Variants in MALRD1 observed in about 807,000 individuals in gnomAD.
The protein encoded by MALRD1 is MAM and LDL-receptor class A domain-containing protein 1.
MALRD1 carries 247 observed loss-of-function variants against 242.1 expected under a neutral mutation model. The ratio of observed to expected loss-of-function variants is 1.02; its 90% CI spans 0.92 to 1.13. MALRD1 has a LOEUF of 1.13. MALRD1 is among the 50% of genes most tolerant of loss of function. The pLI is 0.00. For missense variants in MALRD1, 2,989 were observed against 2,533.1 expected (o/e 1.18, Z -3.86); for synonymous variants, 995 against 866.6 (o/e 1.15, Z -2.60).
chr10:19,312,657 G>A (rs2131994870), intron 21 of MALRD1, among the ~76,000 whole-genome samples: 1 of 151,202 alleles, frequency 6.6e-6, no homozygotes, highest in South Asian at 2.1e-4. Context: ...TGACTCATTT[G>A]CAAAATGGTG....
At chr10:19,660,102 A>G (rs1169801574) in intron 36 of MALRD1, among the ~76,000 whole-genome samples, 1 of 152,150 alleles carries the variant, frequency 6.6e-6, no homozygotes, top group African/African-American at 2.4e-5. Context: ...AGAGAAAAGT[A>G]CACCCTTGTA....
intron 1 of MALRD1, chr10:19,052,229 C>T (rs1171909231): frequency 4.0e-6 from 1 of 251,826 alleles, no homozygotes; most frequent in Non-Finnish European, 7.8e-6. Context: ...CCCCTTTCCC[C>T]CCATTCAATT....
chr10:19,267,923 A>C (rs540780903), intron 19 of MALRD1, among the ~76,000 whole-genome samples: 2 of 152,220 alleles, frequency 1.3e-5, no homozygotes, highest in Admixed American at 1.3e-4. Context: ...GGGAAGAAAA[A>C]TTTGACCAAA....
intron 21 of MALRD1, among the ~76,000 whole-genome samples, chr10:19,297,179 T>C (rs1223785228): frequency 2.0e-5 from 3 of 151,340 alleles, no homozygotes; most frequent in Admixed American, 6.6e-5. Flanking sequence ...AAGATGAGTT[T>C]TAAGTAAACA....
At chr10:19,060,452 C>T (rs973424676) in intron 1 of MALRD1, among the ~76,000 whole-genome samples, 5 of 152,108 alleles carry the variant, frequency 3.3e-5, no homozygotes, top group African/African-American at 1.2e-4. Flanking sequence ...TCTCTCTGGT[C>T]CCTTCCCCCA....
rs1379514546 is a variant in MALRD1 at position 19,136,563 on chromosome 10, C to T, written c.1204-11C>T. On this transcript the variant is annotated splice_polypyrimidine_tract_variant and intron_variant, in intron 9 of 39. Coordinates refer to ENST00000454679, the MANE Select transcript of MALRD1 (RefSeq NM_001142308.3). ...TTGCAAACTCATAAATTAATCTTTT[C>T]CTTCCTAAAGATTATTTTTGAAGGG... 2 of 1,215,296 alleles carry T rather than the reference C, an allele frequency of 1.6e-6. No homozygotes were observed. The highest frequency in any genetic ancestry group is 1.6e-5 in the African/African-American group (1 of 64,086). The allele number at this position is 1,215,296 out of a possible 1,614,324, so 75.3% of individuals were successfully genotyped here.
chr10:19,047,773 T>C (rs1834374816), upstream of MALRD1, among the ~76,000 whole-genome samples: 1 of 152,140 alleles, frequency 6.6e-6, no homozygotes, highest in African/African-American at 2.4e-5. Context: ...TGTATGTATA[T>C]ACTTTTTCCC....
At chr10:19,265,832 A>G (rs115855165) in intron 19 of MALRD1, among the ~76,000 whole-genome samples, 2,317 of 152,060 alleles carry the variant, frequency 0.015, 62 homozygotes, top group African/African-American at 0.053. Context: ...GTCCTTTACT[A>G]TTATTGTTTT....
intron 36 of MALRD1, among the ~76,000 whole-genome samples, chr10:19,660,788 T>C (rs1841393062): frequency 6.6e-6 from 1 of 152,166 alleles, no homozygotes; most frequent in East Asian, 1.9e-4. Flanking sequence ...TAGCCATAGT[T>C]CTCATCGTTC....
intron 5 of MALRD1, among the ~76,000 whole-genome samples, chr10:19,119,792 AG>A (rs1836998286): frequency 6.6e-6 from 1 of 152,208 alleles, no homozygotes; most frequent in South Asian, 2.1e-4. Context: ...GCTTTGGGAA[AG>A]GGCTGTTACC....
chr10:19,415,863 T>A (rs1833497267), intron 28 of MALRD1, among the ~76,000 whole-genome samples: 1 of 152,196 alleles, frequency 6.6e-6, no homozygotes, highest in African/African-American at 2.4e-5. Flanking sequence ...ACAGCAGCCA[T>A]CAGTTTTCTG....
intron 33 of MALRD1, among the ~76,000 whole-genome samples, chr10:19,577,466 T>A (rs1287003443): frequency 6.6e-6 from 1 of 151,920 alleles, no homozygotes; most frequent in Admixed American, 6.6e-5. Context: ...TTTGGAGGAG[T>A]CTGCCTGTTA....
chr10:19,595,597 TG>T (rs1449748058), intron 34 of MALRD1, 140 bp downstream of exon 34: 5 of 1,058,772 alleles, frequency 4.7e-6, no homozygotes, highest in Non-Finnish European at 6.6e-6. Context: ...AGTGTTATGT[TG>T]CAAAACAAGG....
chr10:19,075,801 T>C (rs566107433), intron 2 of MALRD1, among the ~76,000 whole-genome samples: 1 of 152,174 alleles, frequency 6.6e-6, no homozygotes, highest in African/African-American at 2.4e-5. Context: ...AGATAATACA[T>C]TTGTGTTGTT....
At chr10:19,251,866 G>T (rs1839305745) in intron 18 of MALRD1, among the ~76,000 whole-genome samples, 1 of 151,916 alleles carries the variant, frequency 6.6e-6, no homozygotes, top group African/African-American at 2.4e-5. Flanking sequence ...TGATGAGGGA[G>T]TTCTCATGAG....
At chr10:19,423,171 A>AT (rs1043331307) in intron 28 of MALRD1, among the ~76,000 whole-genome samples, 1 of 152,068 alleles carries the variant, frequency 6.6e-6, no homozygotes, top group African/African-American at 2.4e-5. Context: ...TATGTAGAAG[A>AT]TTTTGTCAGA....
In MALRD1 at chr10:19,125,267, C is replaced by CTCTT. The variant is rs200758216; in HGVS notation, c.943+620_943+623dup. ...GGCCAAGTCGGCCAGCTCTTTCTTT[C>CTCTT]TCTTTCTTTCTTTCTTTCTTTCTTT... On this transcript the variant is annotated intron_variant, in intron 7 of 39. Coordinates refer to ENST00000454679, the MANE Select transcript of MALRD1 (RefSeq NM_001142308.3). Among the ~76,000 whole-genome samples, 1,040 of 134,656 alleles carry CTCTT rather than the reference C, an allele frequency of 7.7e-3. 28 individuals are homozygous for CTCTT. Among genetic ancestry groups the CTCTT allele is most frequent in the Middle Eastern group, 0.017 (4 of 238 alleles). The allele number at this position is 134,656 out of a possible 152,430, so 88.3% of individuals were successfully genotyped here.
intron 36 of MALRD1, among the ~76,000 whole-genome samples, chr10:19,629,592 G>C (rs562747488): frequency 6.6e-6 from 1 of 152,268 alleles, no homozygotes; most frequent in African/African-American, 2.4e-5. Flanking sequence ...CAAGCTTCAT[G>C]GGGTAGCCGT....
chr10:19,167,175 C>T (rs1243913994), intron 13 of MALRD1, among the ~76,000 whole-genome samples: 1 of 151,810 alleles, frequency 6.6e-6, no homozygotes, highest in Non-Finnish European at 1.5e-5. Flanking sequence ...CTGAGTAACA[C>T]AGTGAAACCC....
Sources: gnomAD v4.1 joint callset for allele counts (sites outside exome capture counted in the v4.1 genomes callset) on GRCh38, gnomAD v4.1.1 for gene constraint, MANE v1.5 for transcripts, NCBI Gene and HGNC (gene_info 2026-07-23, HGNC 2026-07-21) for gene names.